ZNRF3: variants seen among roughly 807,000 people sequenced by gnomAD.
ZNRF3 encodes E3 ubiquitin-protein ligase ZNRF3.
In ZNRF3, 23 loss-of-function variants were observed where a neutral mutation model predicts 72.5. That is an observed-to-expected ratio of 0.32 (90% CI 0.23 to 0.45). The LOEUF (loss-of-function observed/expected upper bound fraction) is 0.45. ZNRF3 is among the 20% of genes least tolerant of loss of function. The probability of loss-of-function intolerance (pLI) is 1.00; values close to 1 mark genes in which losing one functional copy is unlikely to be tolerated. For synonymous variants in ZNRF3, 610 were observed against 545.3 expected (o/e 1.12, Z -1.65); for missense variants, 1,169 against 1,272.1 (o/e 0.92, Z 1.23).
chr22:29,032,386 G>C (rs1295762120), intron 2 of ZNRF3, among the ~76,000 whole-genome samples: 1 of 152,292 alleles, frequency 6.6e-6, no homozygotes, highest in Middle Eastern at 3.4e-3. Flanking sequence ...AGGGGCTGGG[G>C]CCTGATACAG....
At chr22:28,980,118 A>G (rs2035740235) in intron 1 of ZNRF3, among the ~76,000 whole-genome samples, 1 of 152,162 alleles carries the variant, frequency 6.6e-6, no homozygotes, top group African/African-American at 2.4e-5. Flanking sequence ...CATATCAGTT[A>G]AGACAGATGC....
intron 2 of ZNRF3, among the ~76,000 whole-genome samples, chr22:29,037,838 T>A (rs2123877595): frequency 6.6e-6 from 1 of 152,298 alleles, no homozygotes; most frequent in South Asian, 2.1e-4. Context: ...GATGTGAAGA[T>A]ACCCTTGTGG....
At chr22:28,889,225 A>G (rs1476984790) in intron 1 of ZNRF3, among the ~76,000 whole-genome samples, 2 of 152,206 alleles carry the variant, frequency 1.3e-5, no homozygotes, top group Non-Finnish European at 1.5e-5. Context: ...ATTTTGAACA[A>G]CATATAATAT....
intron 1 of ZNRF3, among the ~76,000 whole-genome samples, chr22:28,937,881 T>C (rs927947585): frequency 6.6e-6 from 1 of 152,232 alleles, no homozygotes; most frequent in Non-Finnish European, 1.5e-5. Flanking sequence ...ACCTTCTTTC[T>C]TTTGGAATAG....
At chr22:29,010,621 G>A (rs76590496) in intron 2 of ZNRF3, among the ~76,000 whole-genome samples, 9,961 of 152,082 alleles carry the variant, frequency 0.065, 711 homozygotes, top group African/African-American at 0.18. Context: ...CCTGTGGCTT[G>A]CCTTTTCATC....
intron 1 of ZNRF3, among the ~76,000 whole-genome samples, chr22:28,972,000 G>A (rs1167568450): frequency 4.6e-5 from 7 of 152,056 alleles, no homozygotes; most frequent in Admixed American, 2.0e-4. Context: ...GAGCCACTGC[G>A]CCCAGCCTGT....
chr22:28,964,651 A>G (rs1321194312), intron 1 of ZNRF3, among the ~76,000 whole-genome samples: 1 of 152,242 alleles, frequency 6.6e-6, no homozygotes, highest in African/African-American at 2.4e-5. Flanking sequence ...GTCGTGAGAC[A>G]GTGTCTCATC....
At chr22:28,887,545 A>G (rs929811876) in intron 1 of ZNRF3, among the ~76,000 whole-genome samples, 1 of 152,162 alleles carries the variant, frequency 6.6e-6, no homozygotes, top group African/African-American at 2.4e-5. Context: ...ATCTGAATGA[A>G]GAATTTTTTT....
At chr22:28,948,217 T>G (rs1045849603) in intron 1 of ZNRF3, among the ~76,000 whole-genome samples, 3 of 152,064 alleles carry the variant, frequency 2.0e-5, no homozygotes, top group Admixed American at 6.6e-5. Context: ...TAGACTGGAG[T>G]GCAGTGGCAC....
Position 28,901,483 on chromosome 22 carries a change from AG to A in ZNRF3, c.300+17421del, listed in dbSNP as rs556090221. ...GTTTGTTAGAATTATGTGTAAAGTTAGGGGACAGAGACATCAAGGGGGTGTG... is the reference window on the plus strand; with the variant it reads ...GTTTGTTAGAATTATGTGTAAAGTTAGGGACAGAGACATCAAGGGGGTGTG... On this transcript the variant is annotated intron_variant, in intron 1 of 8. Coordinates refer to ENST00000544604, the MANE Select transcript of ZNRF3 (RefSeq NM_001206998.2). Among the ~76,000 whole-genome samples, 49 of 152,326 alleles carry A rather than the reference AG, an allele frequency of 3.2e-4. 1 individual carries two copies. The highest frequency in any genetic ancestry group is 3.1e-3 in the East Asian group (16 of 5,186).
chr22:28,919,465 A>T (rs2034470166), intron 1 of ZNRF3, among the ~76,000 whole-genome samples: 1 of 152,038 alleles, frequency 6.6e-6, no homozygotes, highest in Non-Finnish European at 1.5e-5. Context: ...AAAAAGTGAG[A>T]TGACTTATCC....
intron 1 of ZNRF3, among the ~76,000 whole-genome samples, chr22:28,903,343 T>G (rs79960350): frequency 6.6e-6 from 1 of 152,192 alleles, no homozygotes; most frequent in Non-Finnish European, 1.5e-5. Flanking sequence ...GGGTGCTGAT[T>G]GCTCCTCTGG....
chr22:28,930,359 G>A (rs946831259), intron 1 of ZNRF3, among the ~76,000 whole-genome samples: 1 of 152,180 alleles, frequency 6.6e-6, no homozygotes, highest in Admixed American at 6.5e-5. Flanking sequence ...GTACTAGAGA[G>A]TAGTTTCCCA....
chr22:29,046,019 C>T (rs970234095), intron 5 of ZNRF3, among the ~76,000 whole-genome samples: 10 of 152,172 alleles, frequency 6.6e-5, no homozygotes, highest in African/African-American at 1.2e-4. Context: ...TCTCAGGCTC[C>T]GCTCCAGGCC....
chr22:28,924,651 C>T (rs932890335), intron 1 of ZNRF3, among the ~76,000 whole-genome samples: 13 of 152,030 alleles, frequency 8.6e-5, no homozygotes, highest in Non-Finnish European at 1.3e-4. Context: ...GTGGGAGGAT[C>T]GCTTGAGCCC....
chr22:28,985,122 T>C (rs1340645787), intron 1 of ZNRF3, among the ~76,000 whole-genome samples: 1 of 152,186 alleles, frequency 6.6e-6, no homozygotes, highest in Non-Finnish European at 1.5e-5. Context: ...CCCTTTGCCC[T>C]CCACTCGTTG....
intron 1 of ZNRF3, among the ~76,000 whole-genome samples, chr22:28,966,889 T>TTTTTTTTTTTTG (rs1555975724): frequency 9.5e-5 from 14 of 147,416 alleles, no homozygotes; most frequent in African/African-American, 3.0e-4. Flanking sequence ...TTTTTTTTTT[T>TTTTTTTTTTTTG]GAGATGGAGT....
chr22:28,908,692 G>A (rs1170310927), intron 1 of ZNRF3, among the ~76,000 whole-genome samples: 1 of 152,122 alleles, frequency 6.6e-6, no homozygotes, highest in African/African-American at 2.4e-5. Flanking sequence ...TGCTGGATGC[G>A]CGGTCAGTTG....
chr22:28,913,335 C>G (rs755046438), intron 1 of ZNRF3, among the ~76,000 whole-genome samples: 17 of 152,210 alleles, frequency 1.1e-4, no homozygotes, highest in Non-Finnish European at 1.9e-4. Context: ...CGGTCTTTCA[C>G]TTTATTTAAT....
Sources: allele counts gnomAD v4.1 joint callset (sites outside exome capture counted in the v4.1 genomes callset), GRCh38; gene constraint gnomAD v4.1.1; transcripts MANE v1.5; gene names NCBI Gene and HGNC (gene_info 2026-07-23, HGNC 2026-07-21).